TANGO6: variants seen among roughly 807,000 people sequenced by gnomAD.
The protein encoded by TANGO6 is transport and golgi organization 6 homolog.
Under a neutral mutation model 114.2 loss-of-function variants are expected in TANGO6, and 90 were observed. The ratio of observed to expected loss-of-function variants is 0.79; its 90% CI spans 0.66 to 0.94. The LOEUF (loss-of-function observed/expected upper bound fraction) is 0.94. Among genes scored for constraint, TANGO6 ranks in the 40% least tolerant of loss-of-function variants. The pLI is 0.00. For synonymous variants in TANGO6, 477 were observed against 509.8 expected (o/e 0.94, Z 0.87); for missense variants, 1,274 against 1,315.3 (o/e 0.97, Z 0.49).
intron 17 of TANGO6, among the ~76,000 whole-genome samples, chr16:69,075,869 C>A (rs8044939): frequency 6.7e-6 from 1 of 148,766 alleles, no homozygotes; most frequent in Non-Finnish European, 1.5e-5. Context: ...CGGGTTCAAG[C>A]GATTCCCGTT....
At chr16:68,999,245 A>T (rs928071394) in intron 15 of TANGO6, among the ~76,000 whole-genome samples, 11 of 152,230 alleles carry the variant, frequency 7.2e-5, no homozygotes, top group South Asian at 4.1e-4. Context: ...AGATACTTGT[A>T]TGAGTTGGGT....
intron 9 of TANGO6, among the ~76,000 whole-genome samples, chr16:68,905,305 AG>A (rs1453124264): frequency 6.6e-6 from 1 of 151,972 alleles, no homozygotes; most frequent in African/African-American, 2.4e-5. Flanking sequence ...GAAGAGGCTG[AG>A]GTGGGTGGAT....
chr16:68,989,681 A>G (rs1201470646), intron 15 of TANGO6, among the ~76,000 whole-genome samples: 1 of 152,176 alleles, frequency 6.6e-6, no homozygotes, highest in Admixed American at 6.5e-5. Context: ...ATTCTGTACT[A>G]GACATTATGA....
chr16:68,979,831 A>G (rs116450963), intron 15 of TANGO6, among the ~76,000 whole-genome samples: 1,632 of 149,882 alleles, frequency 0.011, 25 homozygotes, highest in African/African-American at 0.038. Flanking sequence ...TTAGGGTATC[A>G]ATTTTGTTTT....
intron 15 of TANGO6, among the ~76,000 whole-genome samples, chr16:68,999,115 C>A (rs1964018130): frequency 6.6e-6 from 1 of 152,140 alleles, no homozygotes. Context: ...AACTCCTGAG[C>A]TCAGGTGATC....
chr16:68,843,589 G>A lies in TANGO6; in HGVS notation c.-29G>A, dbSNP rs1387700362. The A allele has an allele frequency of 6.2e-7, 1 of 1,607,382 alleles. No individual in the cohort carries two copies. The highest frequency in any genetic ancestry group is 8.5e-7 in the Non-Finnish European group (1 of 1,176,074). ...GGCGCCCTGCCGAGGCGCCTGAGCG[G>A]GTCGCGAGCGTGGTGTTACACTCCA... On this transcript the variant is annotated 5_prime_UTR_variant, in exon 1 of 18. Transcript: ENST00000261778.
intron 7 of TANGO6, among the ~76,000 whole-genome samples, chr16:68,898,332 A>G (rs1250923839): frequency 6.6e-6 from 1 of 152,156 alleles, no homozygotes; most frequent in East Asian, 1.9e-4. Context: ...GTGAAAAATT[A>G]GGGCTGATTT....
At chr16:68,845,121 C>A (rs1044966851) in intron 1 of TANGO6, among the ~76,000 whole-genome samples, 1 of 152,096 alleles carries the variant, frequency 6.6e-6, no homozygotes, top group African/African-American at 2.4e-5. Context: ...GTGCACACCA[C>A]CATGCCCAGC....
rs1596983174 is a variant in TANGO6 at position 68,843,554 on chromosome 16, TGGC to T, written c.-53_-51del. ...CCAGAGCCTTCTGCCACACTTAACA[TGGC>T]GGCGGCGGCGCCCTGCCGAGGCGCC... On this transcript the variant is annotated 5_prime_UTR_variant, in exon 1 of 18. Transcript: ENST00000261778. 6.0e-6 allele frequency: 9 copies of T among 1,511,908 alleles called. No individual in the cohort carries two copies. The highest frequency in any genetic ancestry group is 2.3e-5 in the East Asian group (1 of 43,866). 93.7% of individuals were successfully genotyped at this position (1,511,908 alleles called of 1,614,324 possible).
At chr16:68,908,299 G>T (rs1171305828) in intron 10 of TANGO6, among the ~76,000 whole-genome samples, 1 of 152,062 alleles carries the variant, frequency 6.6e-6, no homozygotes, top group Non-Finnish European at 1.5e-5. Context: ...ACCACTTTTT[G>T]ATGCTTTCTT....
At chr16:68,923,483 C>G (rs186228994) in intron 12 of TANGO6, among the ~76,000 whole-genome samples, 1 of 152,104 alleles carries the variant, frequency 6.6e-6, no homozygotes. Context: ...GCTGGTGAGG[C>G]GAATTGGTTG....
intron 16 of TANGO6, among the ~76,000 whole-genome samples, chr16:69,030,736 AC>A (rs894041926): frequency 3.3e-5 from 5 of 151,934 alleles, no homozygotes; most frequent in African/African-American, 1.2e-4. Flanking sequence ...TGACCCTAGG[AC>A]CTCCTTTATG....
rs960852780 is a variant in TANGO6 at position 68,843,565 on chromosome 16, G to C, written c.-53G>C. The stretch of plus-strand genomic sequence containing the variant: ...TGCCACACTTAACATGGCGGCGGCG[G>C]CGCCCTGCCGAGGCGCCTGAGCGGG... On this transcript the variant is annotated 5_prime_UTR_variant, in exon 1 of 18. Coordinates refer to ENST00000261778, the MANE Select transcript of TANGO6 (RefSeq NM_024562.2). 2 of 1,561,488 alleles carry C rather than the reference G, an allele frequency of 1.3e-6. No individual in the cohort carries two copies. Among genetic ancestry groups the C allele is most frequent in the African/African-American group, 2.7e-5 (2 of 73,184 alleles).
At chr16:69,082,058 A>G (rs1361679356) in intron 17 of TANGO6, among the ~76,000 whole-genome samples, 2 of 152,046 alleles carry the variant, frequency 1.3e-5, no homozygotes, top group African/African-American at 2.4e-5. Flanking sequence ...CACTGGGCTC[A>G]CTGCAACCTC....
Position 68,919,077 on chromosome 16 carries a change from T to C in TANGO6, c.1993-8T>C. 6.2e-7 allele frequency: 1 copy of C among 1,604,758 alleles called. No individual in the cohort carries two copies. The highest frequency in any genetic ancestry group is 8.5e-7 in the Non-Finnish European group (1 of 1,175,492). On this transcript the variant is annotated splice_polypyrimidine_tract_variant and splice_region_variant and intron_variant, in intron 11 of 17. Transcript: ENST00000261778. ...CCTCATTGATTCTCAATTCCCTTTT[T>C]TGGGTAGGTGGTGGACTTTGTAGCA...
intron 17 of TANGO6, among the ~76,000 whole-genome samples, chr16:69,065,916 TTGTC>T (rs1960207655): frequency 6.6e-6 from 1 of 152,174 alleles, no homozygotes. Context: ...GAGGTCCAGA[TTGTC>T]TGTGTCCATT....
intron 15 of TANGO6, among the ~76,000 whole-genome samples, chr16:68,980,551 G>A (rs1187086212): frequency 3.3e-5 from 5 of 150,288 alleles, no homozygotes; most frequent in South Asian, 2.1e-4. Flanking sequence ...TTATGCACAC[G>A]AGCCACTGCA....
intron 7 of TANGO6, 112 bp from the exon 8 acceptor site, chr16:68,900,322 T>G: frequency 1.3e-6 from 1 of 789,694 alleles, no homozygotes. Context: ...ATGGTGTGAT[T>G]CGGATGAGAT....
intron 17 of TANGO6, among the ~76,000 whole-genome samples, chr16:69,061,783 G>T (rs2152240318): frequency 6.6e-6 from 1 of 152,282 alleles, no homozygotes; most frequent in South Asian, 2.1e-4. Flanking sequence ...ACTTTGGGAG[G>T]CCGAGGCGGG....
Sources: gnomAD v4.1 joint callset for allele counts (sites outside exome capture counted in the v4.1 genomes callset) on GRCh38, gnomAD v4.1.1 for gene constraint, MANE v1.5 for transcripts, NCBI Gene and HGNC (gene_info 2026-07-23, HGNC 2026-07-21) for gene names.